The following SEMA6D variants were observed in gnomAD, a reference collection of about 807,000 sequenced individuals.
SEMA6D encodes the protein semaphorin-6D.
In SEMA6D, 35 loss-of-function variants were observed where a neutral mutation model predicts 106.6. The observed-to-expected ratio is 0.33, with a 90% CI of 0.25 to 0.44. The LOEUF is 0.44. Among genes scored for constraint, SEMA6D ranks in the 20% least tolerant of loss-of-function variants. The pLI, the probability that SEMA6D is intolerant of heterozygous loss-of-function variation, is 1.00. For missense variants in SEMA6D, 1,185 were observed against 1,345.9 expected (o/e 0.88, Z 1.87); for synonymous variants, 499 against 487.7 (o/e 1.02, Z -0.31).
At chr15:47,533,381 G>A (rs2045040561) in intron 3 of SEMA6D, among the ~76,000 whole-genome samples, 1 of 152,148 alleles carries the variant, frequency 6.6e-6, no homozygotes, top group Non-Finnish European at 1.5e-5. Flanking sequence ...AATGAATTTA[G>A]CACAGCATTT....
chr15:47,687,593 C>T (rs146805708), intron 4 of SEMA6D, among the ~76,000 whole-genome samples: 7 of 152,258 alleles, frequency 4.6e-5, no homozygotes, highest in South Asian at 2.1e-4. Flanking sequence ...ATAAAAGCAA[C>T]GGAAGCCCAC....
chr15:47,557,015 T>C (rs1488006911), intron 3 of SEMA6D, among the ~76,000 whole-genome samples: 1 of 152,042 alleles, frequency 6.6e-6, no homozygotes, highest in Non-Finnish European at 1.5e-5. Context: ...CGACTTCTCA[T>C]GATTAAAAGA....
At chr15:47,292,725 TGTA>T (rs1265284786) in intron 1 of SEMA6D, among the ~76,000 whole-genome samples, 15 of 152,322 alleles carry the variant, frequency 9.8e-5, no homozygotes, top group African/African-American at 3.1e-4. Flanking sequence ...GCGTATATTG[TGTA>T]GTCCATGAAG....
At chr15:47,312,484 A>T (rs1007701693) in intron 1 of SEMA6D, among the ~76,000 whole-genome samples, 8 of 152,008 alleles carry the variant, frequency 5.3e-5, no homozygotes, top group Admixed American at 2.6e-4. Context: ...GTCTTTATGG[A>T]TTCTGCCTTC....
intron 1 of SEMA6D, among the ~76,000 whole-genome samples, chr15:47,231,837 TTAACATAAAATTCACA>T (rs1460107259): frequency 2.0e-5 from 3 of 152,044 alleles, no homozygotes; most frequent in Admixed American, 6.6e-5. Flanking sequence ...GATTCTTTTT[TTAACATAAAATTCACA>T]TAACATAAAA....
chr15:47,450,475 G>A (rs2042157846), intron 2 of SEMA6D, among the ~76,000 whole-genome samples: 1 of 152,010 alleles, frequency 6.6e-6, no homozygotes, highest in African/African-American at 2.4e-5. Flanking sequence ...CCCTATGGCA[G>A]GGGTGTCTGT....
chr15:47,723,685 T>TC (rs2079556496), intron 1 of SEMA6D, among the ~76,000 whole-genome samples: 1 of 149,722 alleles, frequency 6.7e-6, no homozygotes, highest in Admixed American at 6.6e-5. Context: ...TAATTCTCTC[T>TC]CATGCATCAG....
intron 1 of SEMA6D, among the ~76,000 whole-genome samples, chr15:47,278,711 T>C (rs1207636511): frequency 6.6e-6 from 1 of 151,696 alleles, no homozygotes; most frequent in East Asian, 1.9e-4. Context: ...TGAATGGTAA[T>C]GCCTAGGTTT....
chr15:47,488,150 G>A (rs112529820), intron 3 of SEMA6D, among the ~76,000 whole-genome samples: 370 of 151,732 alleles, frequency 2.4e-3, no homozygotes, highest in African/African-American at 8.7e-3. Context: ...TTCTGTCATC[G>A]GTATTTTTGT....
At chr15:47,235,831 T>TGGAAA (rs2032503463) in intron 1 of SEMA6D, among the ~76,000 whole-genome samples, 1 of 151,982 alleles carries the variant, frequency 6.6e-6, no homozygotes, top group African/African-American at 2.4e-5. Flanking sequence ...GGGTAACAGC[T>TGGAAA]TTAGCACTAG....
chr15:47,350,274 AG>A (rs1222373403), intron 1 of SEMA6D, among the ~76,000 whole-genome samples: 1 of 152,228 alleles, frequency 6.6e-6, no homozygotes, highest in Non-Finnish European at 1.5e-5. Context: ...CCAGAAACTA[AG>A]CAAATAATAG....
At chr15:47,245,540 A>G (rs140292831) in intron 1 of SEMA6D, among the ~76,000 whole-genome samples, 1 of 152,208 alleles carries the variant, frequency 6.6e-6, no homozygotes, top group East Asian at 1.9e-4. Context: ...CTGTTTGTGA[A>G]TGTCAGCTTC....
Position 47,330,044 on chromosome 15 carries a change from C to T in SEMA6D, c.-238-82349C>T, listed in dbSNP as rs2037283514. ...ATGAGCATCTATATTTATAATGGCA[C>T]CTTTACTGATCGTATATTTACCTCC... is the stretch of plus-strand genomic sequence containing the variant. On this transcript the variant is annotated intron_variant, in intron 1 of 19. Coordinates refer to the SEMA6D transcript ENST00000558014. 2.6e-5 allele frequency among the ~76,000 whole-genome samples: 4 copies of T among 152,126 alleles called. No individual in the cohort carries two copies. In the South Asian group the frequency reaches 8.3e-4, roughly 32 times the overall value.
At chr15:47,231,080 G>A (rs150384696) in intron 1 of SEMA6D, among the ~76,000 whole-genome samples, 44 of 151,730 alleles carry the variant, frequency 2.9e-4, no homozygotes, top group African/African-American at 9.7e-4. Context: ...CTGGCCATTC[G>A]TCTCCTCCTC....
intron 1 of SEMA6D, among the ~76,000 whole-genome samples, chr15:47,407,100 C>T (rs2040601277): frequency 6.6e-6 from 1 of 152,114 alleles, no homozygotes; most frequent in Admixed American, 6.5e-5. Flanking sequence ...GGGGGTGGCT[C>T]ATGCCTGTAA....
chr15:47,634,846 C>A (rs868397759), intron 4 of SEMA6D, among the ~76,000 whole-genome samples: 1 of 152,110 alleles, frequency 6.6e-6, no homozygotes, highest in Non-Finnish European at 1.5e-5. Context: ...TTCAACTTCC[C>A]GCTTGCCCCA....
chr15:47,379,177 T>A (rs281255), intron 1 of SEMA6D, among the ~76,000 whole-genome samples: 1 of 151,982 alleles, frequency 6.6e-6, no homozygotes, highest in Non-Finnish European at 1.5e-5. Flanking sequence ...TAATTCAAAT[T>A]GTTTACATTT....
chr15:47,544,721 C>T (rs1177298777), intron 3 of SEMA6D, among the ~76,000 whole-genome samples: 1 of 148,982 alleles, frequency 6.7e-6, no homozygotes, highest in African/African-American at 2.5e-5. Context: ...GGGTTGCTCC[C>T]ATGTGTGGCT....
At chr15:47,606,863 A>G (rs1002550905) in intron 4 of SEMA6D, among the ~76,000 whole-genome samples, 3 of 152,196 alleles carry the variant, frequency 2.0e-5, no homozygotes, top group South Asian at 2.1e-4. Context: ...AAAATGGGCT[A>G]TGTGTCCCAT....
Sources: gnomAD v4.1 joint callset for allele counts (sites outside exome capture counted in the v4.1 genomes callset) on GRCh38, gnomAD v4.1.1 for gene constraint, MANE v1.5 for transcripts, NCBI Gene and HGNC (gene_info 2026-07-23, HGNC 2026-07-21) for gene names.